Variants in SLC35F3 observed in about 807,000 individuals in gnomAD.
SLC35F3 encodes solute carrier family 35 member F3.
Under a neutral mutation model 49.9 loss-of-function variants are expected in SLC35F3, and 25 were observed. The ratio of observed to expected loss-of-function variants is 0.50; its 90% CI spans 0.37 to 0.70. The LOEUF (loss-of-function observed/expected upper bound fraction) is 0.70. SLC35F3 is among the 30% of genes least tolerant of loss of function. SLC35F3 has a pLI of 0.00. For synonymous variants in SLC35F3, 275 were observed against 265.4 expected, an observed-to-expected ratio of 1.04 and a Z score of -0.35; for missense variants, 525 against 639.8, an observed-to-expected ratio of 0.82 and a Z score of 1.94.
intron 3 of SLC35F3, among the ~76,000 whole-genome samples, chr1:234,283,143 T>C (rs1000814531): frequency 1.3e-5 from 2 of 152,264 alleles, no homozygotes; most frequent in African/African-American, 4.8e-5. Flanking sequence ...CCATCTCCAT[T>C]TGGGGACAAT....
intron 4 of SLC35F3, among the ~76,000 whole-genome samples, chr1:234,313,687 C>T (rs78744334): frequency 6.6e-6 from 1 of 152,084 alleles, no homozygotes; most frequent in Non-Finnish European, 1.5e-5. Flanking sequence ...CACACCCACC[C>T]TTAGCACCTG....
At chr1:233,948,228 G>GGA (rs150190453) in intron 2 of SLC35F3, among the ~76,000 whole-genome samples, 13,372 of 106,908 alleles carry the variant, frequency 0.13, 594 homozygotes, top group East Asian at 0.18. Context: ...AGGGAGAGAG[G>GGA]GAGAGAGAGA....
At chr1:233,912,490 CAAAGAAACAA>C (rs1558176254) in intron 2 of SLC35F3, among the ~76,000 whole-genome samples, 1 of 151,682 alleles carries the variant, frequency 6.6e-6, no homozygotes, top group Non-Finnish European at 1.5e-5. Context: ...AACAAACAAA[CAAAGAAACAA>C]ACAAACAAAA....
chr1:233,965,793 A>G (rs1662896666), intron 2 of SLC35F3, among the ~76,000 whole-genome samples: 1 of 152,172 alleles, frequency 6.6e-6, no homozygotes, highest in Non-Finnish European at 1.5e-5. Flanking sequence ...CAGATTCCTA[A>G]TACCTCAAAA....
Position 234,303,131 on chromosome 1 carries a change from C to T in SLC35F3, c.609-5970C>T, listed in dbSNP as rs114916581. 9.3e-3 allele frequency among the ~76,000 whole-genome samples: 1,412 copies of T among 152,200 alleles called. 19 individuals are homozygous for T. The highest frequency in any genetic ancestry group is 0.032 in the African/African-American group (1,337 of 41,522). On this transcript the variant is annotated intron_variant, in intron 3 of 7. Transcript: ENST00000366618. ...TCCCCACCCCCAACACAATAATATC[C>T]CAATTTTTAGTTAATAGTGTTTGCA...
intron 2 of SLC35F3, among the ~76,000 whole-genome samples, chr1:234,207,948 G>T (rs778196056): frequency 1.3e-5 from 2 of 152,204 alleles, no homozygotes; most frequent in African/African-American, 2.4e-5. Flanking sequence ...GTTCAAGGCT[G>T]CAGTGAGCTG....
At chr1:234,156,981 T>C (rs1666163470) in intron 2 of SLC35F3, among the ~76,000 whole-genome samples, 1 of 151,908 alleles carries the variant, frequency 6.6e-6, no homozygotes, top group African/African-American at 2.4e-5. Flanking sequence ...AGAGAGTGAA[T>C]GCTAACGGGT....
intron 2 of SLC35F3, among the ~76,000 whole-genome samples, chr1:234,180,166 G>A (rs1453834478): frequency 6.6e-6 from 1 of 152,170 alleles, no homozygotes; most frequent in African/African-American, 2.4e-5. Context: ...CTACAGGTGA[G>A]CCTCAGGTGG....
chr1:234,265,548 C>A (rs1015617906), intron 3 of SLC35F3, among the ~76,000 whole-genome samples: 1 of 152,074 alleles, frequency 6.6e-6, no homozygotes, highest in African/African-American at 2.4e-5. Context: ...GACTGTACTT[C>A]CAGAACATAT....
chr1:234,302,659 G>A (rs1352750742), intron 3 of SLC35F3, among the ~76,000 whole-genome samples: 1 of 152,130 alleles, frequency 6.6e-6, no homozygotes, highest in East Asian at 1.9e-4. Context: ...TGAGGAATAA[G>A]CCCAGGCTGC....
intron 2 of SLC35F3, among the ~76,000 whole-genome samples, chr1:233,918,436 G>A (rs1367496371): frequency 1.3e-5 from 2 of 152,154 alleles, no homozygotes; most frequent in African/African-American, 4.8e-5. Context: ...GATTTTGGGG[G>A]AAACATAGCT....
chr1:234,089,919 T>A (rs1253281866), intron 2 of SLC35F3, among the ~76,000 whole-genome samples: 1 of 152,206 alleles, frequency 6.6e-6, no homozygotes, highest in African/African-American at 2.4e-5. Context: ...TATACCAAGA[T>A]AACTCCACAG....
intron 4 of SLC35F3, 124 bp downstream of exon 4, chr1:234,309,444 T>C (rs895391818): frequency 7.3e-6 from 6 of 825,482 alleles, no homozygotes; most frequent in Non-Finnish European, 9.3e-6. Flanking sequence ...TCCTTCTGAT[T>C]TGCAGCAGAA....
At chr1:234,232,178 C>G (rs1667389284) in intron 3 of SLC35F3, among the ~76,000 whole-genome samples, 1 of 152,220 alleles carries the variant, frequency 6.6e-6, no homozygotes, top group Non-Finnish European at 1.5e-5. Context: ...CCTTACTCAT[C>G]CTCTTTCTAA....
chr1:234,281,580 GAAC>G (rs1409603196), intron 3 of SLC35F3, among the ~76,000 whole-genome samples: 27 of 152,282 alleles, frequency 1.8e-4, no homozygotes, highest in African/African-American at 6.3e-4. Context: ...AAACATCTCA[GAAC>G]AACAACAACA....
At chr1:233,992,751 T>G (rs1313919938) in intron 2 of SLC35F3, among the ~76,000 whole-genome samples, 3 of 152,186 alleles carry the variant, frequency 2.0e-5, no homozygotes, top group Non-Finnish European at 2.9e-5. Context: ...ACAATGATTC[T>G]TACAAGAGTT....
rs1386172778 is a variant in SLC35F3 at position 234,108,369 on chromosome 1, ATAT to A, written c.284-123043_284-123041del. Among the ~76,000 whole-genome samples, 8,135 of 109,054 alleles carry A rather than the reference ATAT, an allele frequency of 0.075. 1,888 individuals carry two copies. In the East Asian group the frequency reaches 0.83, roughly 11 times the overall value. The allele number at this position is 109,054 out of a possible 152,430, so 71.5% of individuals were successfully genotyped here. On this transcript the variant is annotated intron_variant, in intron 2 of 7. Coordinates refer to ENST00000366618, the MANE Select transcript of SLC35F3 (RefSeq NM_173508.4). ...AGATATATATTTATATATATGATAT[ATAT>A]TATTTATATATATAAAAGATATATA... is the stretch of plus-strand genomic sequence containing the variant.
chr1:234,252,158 G>A (rs1016840539), intron 3 of SLC35F3, among the ~76,000 whole-genome samples: 12 of 151,734 alleles, frequency 7.9e-5, no homozygotes, highest in African/African-American at 1.2e-4. Flanking sequence ...AAACCTCTGC[G>A]TCCCAGATTC....
chr1:234,078,183 T>C (rs1664825329), intron 2 of SLC35F3, among the ~76,000 whole-genome samples: 1 of 152,204 alleles, frequency 6.6e-6, no homozygotes, highest in African/African-American at 2.4e-5. Context: ...CTCTACCATT[T>C]AAATTGGTCT....
Sources: gnomAD v4.1 joint callset for allele counts (sites outside exome capture counted in the v4.1 genomes callset) on GRCh38, gnomAD v4.1.1 for gene constraint, MANE v1.5 for transcripts, NCBI Gene and HGNC (gene_info 2026-07-23, HGNC 2026-07-21) for gene names.